Variants in HLCS observed in about 807,000 individuals in gnomAD.
The protein encoded by HLCS is holocarboxylase synthetase, also known as biotin--protein ligase.
A neutral mutation model predicts 75.0 loss-of-function variants in HLCS; 53 were observed. The observed-to-expected ratio is 0.71, with a 90% CI of 0.57 to 0.89. The LOEUF is 0.89. Ranked by LOEUF, HLCS falls within the 40% of genes least tolerant of loss-of-function variation. The pLI, the probability that HLCS is intolerant of heterozygous loss-of-function variation, is 0.00. For synonymous variants in HLCS, 431 were observed against 428.6 expected, an observed-to-expected ratio of 1.01 and a Z score of -0.07; for missense variants, 966 against 1,074.0, an observed-to-expected ratio of 0.90 and a Z score of 1.41.
At chr21:36,766,216 G>C (rs1007714187) in intron 7 of HLCS, among the ~76,000 whole-genome samples, 3 of 151,844 alleles carry the variant, frequency 2.0e-5, no homozygotes, top group Admixed American at 6.6e-5. Context: ...TAAGAGATGG[G>C]TCTTGCTAAG....
chr21:36,908,141 C>T (rs1373168577), intron 5 of HLCS, among the ~76,000 whole-genome samples: 1 of 151,444 alleles, frequency 6.6e-6, no homozygotes, highest in African/African-American at 2.4e-5. Flanking sequence ...TCCCAGCATT[C>T]TGGGAGGCTG....
chr21:36,794,933 G>A (rs1405329112), intron 6 of HLCS, among the ~76,000 whole-genome samples: 2 of 151,976 alleles, frequency 1.3e-5, no homozygotes, highest in Non-Finnish European at 2.9e-5. Flanking sequence ...ATCTGGTGCT[G>A]GACTTAGATG....
intron 2 of HLCS, among the ~76,000 whole-genome samples, chr21:36,954,505 A>T (rs1183593494): frequency 2.0e-5 from 3 of 151,278 alleles, no homozygotes; most frequent in African/African-American, 7.3e-5. Context: ...AGTCCCAGCT[A>T]CTTGGGAGGC....
In HLCS at chr21:36,754,253, CGTTT is replaced by C. The variant is rs774356408; in HGVS notation, c.2611_2614del (p.Lys871GlyfsTer26). On this transcript the variant is annotated frameshift_variant, in exon 11 of 11. Transcript: ENST00000674895. LOFTEE classifies it high-confidence loss of function. ...TCTCGGGGACGCCCGGCATTACCGC[CGTTT>C]GGGGAGGATGAGGTTTCTCAGCATG... The C allele has an allele frequency of 5.6e-6, 9 of 1,613,846 alleles. No individual in the cohort carries two copies. Among genetic ancestry groups the C allele is most frequent in the Admixed American group, 1.7e-5 (1 of 59,986 alleles).
chr21:36,939,846 C>A (rs1471944786), intron 2 of HLCS, among the ~76,000 whole-genome samples: 2 of 152,126 alleles, frequency 1.3e-5, no homozygotes, highest in East Asian at 1.9e-4. Flanking sequence ...AAGCTTCCGA[C>A]CCTCACAGCA....
chr21:36,777,341 T>G (rs911216646), intron 6 of HLCS, among the ~76,000 whole-genome samples: 1 of 152,240 alleles, frequency 6.6e-6, no homozygotes, highest in Non-Finnish European at 1.5e-5. Context: ...TAAATTTTAT[T>G]CTTTAAAATT....
At chr21:36,881,754 T>G (rs1269510235) in intron 6 of HLCS, among the ~76,000 whole-genome samples, 1 of 152,216 alleles carries the variant, frequency 6.6e-6, no homozygotes, top group Non-Finnish European at 1.5e-5. Flanking sequence ...CTTCCAGCTT[T>G]GGTGGTCTTG....
intron 6 of HLCS, among the ~76,000 whole-genome samples, chr21:36,881,751 C>T (rs2064226149): frequency 6.6e-6 from 1 of 152,220 alleles, no homozygotes; most frequent in Admixed American, 6.5e-5. Context: ...ACACTTCCAG[C>T]TTTGGTGGTC....
At chr21:36,856,398 C>T (rs927590748) in intron 6 of HLCS, among the ~76,000 whole-genome samples, 3 of 152,182 alleles carry the variant, frequency 2.0e-5, no homozygotes, top group Admixed American at 6.6e-5. Flanking sequence ...CAGAACACTT[C>T]TGCTATTTAG....
intron 1 of HLCS, among the ~76,000 whole-genome samples, chr21:36,989,758 C>T (rs1056149378): frequency 6.6e-6 from 1 of 152,198 alleles, no homozygotes; most frequent in Non-Finnish European, 1.5e-5. Context: ...CGAGTAGGCC[C>T]TGCGGCTCTG....
chr21:36,753,541 T>G lies in HLCS; in HGVS notation c.*705A>C, dbSNP rs1188011796. The G allele has an allele frequency of 6.6e-6, 1 of 152,280 alleles. No individual in the cohort carries two copies. The highest frequency in any genetic ancestry group is 1.5e-5 in the Non-Finnish European group (1 of 68,134). 9.4% of individuals were successfully genotyped at this position (152,280 alleles called of 1,614,324 possible). On this transcript the variant is annotated 3_prime_UTR_variant, in exon 11 of 11. Coordinates refer to ENST00000674895, the MANE Select transcript of HLCS (RefSeq NM_001352514.2). The surrounding 1 kb of genome is among the most constrained non-coding windows in gnomAD (Gnocchi z 4.3). The stretch of plus-strand genomic sequence containing the variant: ...GTAAATTTAAACTTACTTAAGAAAG[T>G]CAGTCCCTAACTAAGGACATTTAAA...
At chr21:36,910,454 G>A (rs2065651074) in intron 5 of HLCS, among the ~76,000 whole-genome samples, 1 of 151,874 alleles carries the variant, frequency 6.6e-6, no homozygotes, top group African/African-American at 2.4e-5. Flanking sequence ...GCTGAGGCAA[G>A]AGAATCGCTT....
Position 36,966,491 on chromosome 21 carries a change from C to G in HLCS, c.148G>C (p.Val50Leu), listed in dbSNP as rs1399067697. 1.3e-5 allele frequency: 13 copies of G among 985,390 alleles called. No individual in the cohort carries two copies. The highest frequency in any genetic ancestry group is 1.4e-5 in the Non-Finnish European group (12 of 830,894). The allele number at this position is 985,390 out of a possible 1,614,324, so 61.0% of individuals were successfully genotyped here. The change falls in exon 1 of 11, where the codon GTG becomes CTG. Residue 50 changes from valine to leucine, a missense_variant. By Grantham distance (32) the Val-to-Leu change is conservative (BLOSUM62 1). Transcript: ENST00000674895. The part of the protein sequence containing the change: ...GAAAQPPGAR[V>L]CLSRGGRVFC... ...ACGCGGCCGCCACGGCTCAGGCACA[C>G]GCGGGCGCCCGGGGGCTGCGCGGCC...
At chr21:36,947,957 A>C in intron 2 of HLCS, 1 of 985,400 alleles carries the variant, frequency 1.0e-6, no homozygotes, top group Non-Finnish European at 1.2e-6. Context: ...CTCTAGTAAC[A>C]AATTGGATGG....
At chr21:36,868,569 T>C (rs1325076904) in intron 6 of HLCS, among the ~76,000 whole-genome samples, 1 of 152,148 alleles carries the variant, frequency 6.6e-6, no homozygotes, top group East Asian at 1.9e-4. Flanking sequence ...AAGTTTTTCA[T>C]TGAGGTGGCA....
In HLCS at chr21:36,793,295, C is replaced by CTTTTTTTTTTTTTTTTTT. The variant is rs761549990; in HGVS notation, c.1893-26028_1893-26011dup. 6.0e-5 allele frequency among the ~76,000 whole-genome samples: 7 copies of CTTTTTTTTTTTTTTTTTT among 116,248 alleles called. 1 individual carries two copies. Among genetic ancestry groups the CTTTTTTTTTTTTTTTTTT allele is most frequent in the African/African-American group, 9.6e-5 (3 of 31,154 alleles). The allele number at this position is 116,248 out of a possible 152,430, so 76.3% of individuals were successfully genotyped here. A position where few individuals can be genotyped will look rare whatever the true frequency, so the allele number is the denominator to read the frequency against. Reference sequence around the variant, plus strand: ...AGAACACGGGACAGCAGGAAGCAGTCTTTTTTTTTTTTTTTTTTGAGATAG... The same window carrying CTTTTTTTTTTTTTTTTTT: ...AGAACACGGGACAGCAGGAAGCAGTCTTTTTTTTTTTTTTTTTTTTTTTTTTTTTTTTTTTTGAGATAG... On this transcript the variant is annotated intron_variant, in intron 6 of 10. Transcript: ENST00000674895.
At chr21:36,811,998 C>T (rs1308471618) in intron 6 of HLCS, among the ~76,000 whole-genome samples, 1 of 152,106 alleles carries the variant, frequency 6.6e-6, no homozygotes, top group Non-Finnish European at 1.5e-5. Flanking sequence ...CTTTGGCATC[C>T]TGTGAGTCTT....
intron 6 of HLCS, among the ~76,000 whole-genome samples, chr21:36,885,507 C>CA (rs932826438): frequency 0.033 from 3,015 of 91,522 alleles, 44 homozygotes; most frequent in African/African-American, 0.058. Context: ...GATCCTGTCT[C>CA]AAAAAAAAAA....
intron 6 of HLCS, among the ~76,000 whole-genome samples, chr21:36,839,078 G>GT (rs139472915): frequency 6.6e-6 from 1 of 152,272 alleles, no homozygotes; most frequent in African/African-American, 2.4e-5. Flanking sequence ...AGTTAACAGG[G>GT]ACCAACCTCC....
Sources: gnomAD v4.1 joint callset for allele counts (sites outside exome capture counted in the v4.1 genomes callset) on GRCh38, gnomAD v4.1.1 for gene constraint, Gnocchi (gnomAD v3.1) non-coding constraint, MANE v1.5 for transcripts, NCBI Gene and HGNC (gene_info 2026-07-23, HGNC 2026-07-21) for gene names.